MYH9: variants seen among roughly 807,000 people sequenced by gnomAD.
MYH9 encodes myosin heavy chain 9.
In MYH9, 29 loss-of-function variants were observed where a neutral mutation model predicts 241.9. The ratio of observed to expected loss-of-function variants is 0.12; its 90% CI spans 0.09 to 0.16. The LOEUF (loss-of-function observed/expected upper bound fraction) is 0.16. Among genes scored for constraint, MYH9 ranks in the 10% least tolerant of loss-of-function variants. The pLI, the probability that MYH9 is intolerant of heterozygous loss-of-function variation, is 1.00. For missense variants in MYH9, 1,803 were observed against 2,595.5 expected (o/e 0.69, Z 6.63); for synonymous variants, 1,047 against 1,062.6 (o/e 0.99, Z 0.29).
chr22:36,293,714 C>A lies in MYH9; in HGVS notation c.3942+45G>T, dbSNP rs779651768. 4 of 1,559,910 alleles carry A rather than the reference C, an allele frequency of 2.6e-6. No homozygotes were observed. In the East Asian group the frequency reaches 9.0e-5, roughly 35 times the overall value. Reference sequence around the variant, plus strand: ...GCTAATGTTGCGTGGACACAGAGGCCTTTCTGGAGGGGTCCACCTTCTGGG... The same window carrying A: ...GCTAATGTTGCGTGGACACAGAGGCATTTCTGGAGGGGTCCACCTTCTGGG... On this transcript the variant is annotated intron_variant, in intron 29 of 40. Transcript: ENST00000216181. This position sits in a 1 kb window ranked among gnomAD's most constrained non-coding sequence, Gnocchi z 5.1.
Position 36,292,080 on chromosome 22 carries a change from C to T in MYH9, c.4250G>A (p.Arg1417Gln), listed in dbSNP as rs2016714761. 1.9e-6 allele frequency: 3 copies of T among 1,614,198 alleles called. No homozygotes were observed. Among genetic ancestry groups the T allele is most frequent in the South Asian group, 1.1e-5 (1 of 91,090 alleles). Reference protein sequence around the residue: ...AYDKLEKTKTRLQQELDDLLV... With the variant: ...AYDKLEKTKTQLQQELDDLLV... ...CAGGTCGTCCAGCTCCTGCTGCAGC[C>T]GCGTCTTGGTCTTCTCCAGCTTGTC... is the stretch of plus-strand genomic sequence containing the variant. Residue 1417 changes from arginine (R) to glutamine (Q), a missense_variant, in exon 31 of 41, where the codon CGG (arginine) becomes CAG (glutamine). Arg to Gln is a conservative substitution (Grantham distance 43). Transcript: ENST00000216181.
intron 1 of MYH9, among the ~76,000 whole-genome samples, chr22:36,358,146 C>T (rs994414260): frequency 6.6e-6 from 1 of 152,186 alleles, no homozygotes; most frequent in Non-Finnish European, 1.5e-5. Flanking sequence ...CTCACTGCAA[C>T]CTCCACCTCC....
chr22:36,324,722 T>C (rs769027468), intron 5 of MYH9, among the ~76,000 whole-genome samples: 2 of 152,194 alleles, frequency 1.3e-5, no homozygotes, highest in African/African-American at 2.4e-5. Context: ...AACCGGCCAA[T>C]GGTCTTTCAC....
At chr22:36,384,082 T>G (rs2018301268) in intron 1 of MYH9, among the ~76,000 whole-genome samples, 1 of 147,420 alleles carries the variant, frequency 6.8e-6, no homozygotes, top group Non-Finnish European at 1.5e-5. Flanking sequence ...ACCAGCGTGG[T>G]CAACATGGCA....
chr22:36,302,378 T>C (rs2016892811), intron 20 of MYH9, 190 bp downstream of exon 20: 2 of 557,766 alleles, frequency 3.6e-6, no homozygotes, highest in South Asian at 3.6e-5. Context: ...CCGGGCACAG[T>C]GGCTCATGCC....
chr22:36,300,149 T>C lies in MYH9; in HGVS notation c.2954A>G (p.Asp985Gly). 6.2e-7 allele frequency: 1 copy of C among 1,612,474 alleles called. No homozygotes were observed. The highest frequency in any genetic ancestry group is 8.5e-7 in the Non-Finnish European group (1 of 1,179,984). The part of the protein sequence containing the change: ...KLEEEQIILE[D>G]QNCKLAKEKK... ...CACCTTGGCCAGCTTGCAGTTCTGG[T>C]CCTCCAGGATGATCTGCTCCTCCTC... The change falls in exon 23 of 41, where the codon GAC becomes GGC. Residue 985 changes from aspartate to glycine, a missense_variant. By Grantham distance (94) the Asp-to-Gly change is moderately conservative. Around this residue, in one of 11 missense-constraint regions of MYH9, gnomAD observed 290 missense variants for 360.5 expected, o/e 0.80. Transcript: ENST00000216181. This position sits in a 1 kb window ranked among gnomAD's most constrained non-coding sequence, Gnocchi z 5.0.
chr22:36,320,168 G>C lies in MYH9; in HGVS notation c.1012+52C>G. 1 of 1,613,052 alleles carries C rather than the reference G, an allele frequency of 6.2e-7. No homozygotes were observed. The highest frequency in any genetic ancestry group is 1.1e-5 in the South Asian group (1 of 91,062). On this transcript the variant is annotated intron_variant, in intron 9 of 40. Transcript: ENST00000216181. This position sits in a 1 kb window ranked among gnomAD's most constrained non-coding sequence, Gnocchi z 4.8. ...CTACCCTGATGCCCCGAGGCCGTGG[G>C]TACCAGCCTTCCTCTGCCCCACACT...
intron 2 of MYH9, among the ~76,000 whole-genome samples, chr22:36,343,325 CAGG>C (rs1348189997): frequency 6.6e-6 from 1 of 152,054 alleles, no homozygotes; most frequent in East Asian, 1.9e-4. Flanking sequence ...CGCTTGAGGC[CAGG>C]AGTTCGAGAC....
intron 5 of MYH9, among the ~76,000 whole-genome samples, chr22:36,325,576 C>G (rs573578322): frequency 6.6e-6 from 1 of 152,360 alleles, no homozygotes; most frequent in African/African-American, 2.4e-5. Context: ...CGTGAGAACT[C>G]CCCGGCACTG....
Position 36,293,250 on chromosome 22 carries a change from G to A in MYH9, c.4095+79C>T. On this transcript the variant is annotated intron_variant, in intron 30 of 40. Transcript: ENST00000216181. This position sits in a 1 kb window ranked among gnomAD's most constrained non-coding sequence, Gnocchi z 5.1. ...ATGGGCCGGCCCAGCGGGCAGGGCT[G>A]TCCTGCAGTGCCCAGGCCAGTGCCC... 6.3e-7 allele frequency: 1 copy of A among 1,591,400 alleles called. No homozygotes were observed. Among genetic ancestry groups the A allele is most frequent in the South Asian group, 1.1e-5 (1 of 90,560 alleles).
chr22:36,298,780 G>T, intron 24 of MYH9, 139 bp downstream of exon 24: 1 of 1,316,526 alleles, frequency 7.6e-7, no homozygotes, highest in African/African-American at 1.5e-5. Context: ...CTAAAGGGCA[G>T]CAGCCAGTGC....
chr22:36,334,525 G>A (rs1376387116), intron 3 of MYH9, among the ~76,000 whole-genome samples: 1 of 152,256 alleles, frequency 6.6e-6, no homozygotes, highest in African/African-American at 2.4e-5. Context: ...GCGTTCCAGT[G>A]TGTGGCGCGG....
Position 36,296,881 on chromosome 22 carries a change from C to A in MYH9, c.3234G>T (p.Leu1078=), listed in dbSNP as rs1402580430. 1 of 1,613,258 alleles carries A rather than the reference C, an allele frequency of 6.2e-7. No individual in the cohort carries two copies. Among genetic ancestry groups the A allele is most frequent in the South Asian group, 1.1e-5 (1 of 91,058 alleles). Residue 1078 remains leucine (L), a synonymous_variant, in exon 25 of 41, where the codon CTG becomes CTT. Coordinates refer to ENST00000216181, the MANE Select transcript of MYH9 (RefSeq NM_002473.6). ...CCTGGAGCTCCTCCTCTTTCTTGGC[C>A]AGCTGCATCTTGAGCTCCGCGATCT... ...QAQIAELKMQ[L]AKKEEELQAA... is the part of the protein sequence containing the mutation.
chr22:36,282,636 G>T lies in MYH9; in HGVS notation c.*32C>A. ...GAAGGGGAGGCTGTGGTGTCTGTCT[G>T]TCCATCCATCTCAGGCTGCAGGAGA... On this transcript the variant is annotated 3_prime_UTR_variant, in exon 41 of 41. Coordinates refer to ENST00000216181, the MANE Select transcript of MYH9 (RefSeq NM_002473.6). 6.3e-7 allele frequency: 1 copy of T among 1,594,670 alleles called. No individual in the cohort carries two copies.
In MYH9 at chr22:36,284,391, CA is replaced by C; in HGVS notation, c.5592+11del. ...CCCGCTGCCCTTCTCACTGCCCCAC[CA>C]GCGCCCACACCTGGTCCTTGTACTG... On this transcript the variant is annotated intron_variant, in intron 39 of 40. Coordinates refer to ENST00000216181, the MANE Select transcript of MYH9 (RefSeq NM_002473.6). The C allele has an allele frequency of 6.2e-7, 1 of 1,611,472 alleles. No homozygotes were observed. The highest frequency in any genetic ancestry group is 8.5e-7 in the Non-Finnish European group (1 of 1,179,982).
chr22:36,297,882 C>T, intron 24 of MYH9, among the ~76,000 whole-genome samples: 1 of 152,356 alleles, frequency 6.6e-6, no homozygotes, highest in East Asian at 1.9e-4. Flanking sequence ...CTAACGCCGT[C>T]TACCAGTTTG....
intron 3 of MYH9, among the ~76,000 whole-genome samples, chr22:36,335,650 A>G (rs1415736795): frequency 2.6e-5 from 4 of 152,174 alleles, no homozygotes; most frequent in Non-Finnish European, 5.9e-5. Flanking sequence ...GAATGTGGAG[A>G]GAAGGAAAGA....
intron 1 of MYH9, among the ~76,000 whole-genome samples, chr22:36,361,932 T>C (rs1350617879): frequency 6.6e-6 from 1 of 152,004 alleles, no homozygotes; most frequent in Non-Finnish European, 1.5e-5. Context: ...TAGCCAGGCG[T>C]GATGGTGTGC....
intron 1 of MYH9, among the ~76,000 whole-genome samples, chr22:36,368,877 C>T (rs951921951): frequency 1.5e-5 from 2 of 134,204 alleles, no homozygotes; most frequent in African/African-American, 5.7e-5. Context: ...GCATCACATT[C>T]TTCAGATTCT....
Sources: allele counts gnomAD v4.1 joint callset (sites outside exome capture counted in the v4.1 genomes callset), GRCh38; gene constraint gnomAD v4.1.1; regional missense constraint gnomAD v4.1.1; non-coding constraint Gnocchi (gnomAD v3.1); transcripts MANE v1.5; gene names NCBI Gene and HGNC (gene_info 2026-07-23, HGNC 2026-07-21).